The following MTHFD1L variants were observed in gnomAD, a reference collection of about 807,000 sequenced individuals.
The protein encoded by MTHFD1L is methylenetetrahydrofolate dehydrogenase (NADP+ dependent) 1 like, also known as monofunctional C1-tetrahydrofolate synthase, mitochondrial.
In MTHFD1L, 81 loss-of-function variants were observed where a neutral mutation model predicts 119.5. The observed-to-expected ratio is 0.68, with a 90% CI of 0.57 to 0.82. The LOEUF is 0.82. Among genes scored for constraint, MTHFD1L ranks in the 40% least tolerant of loss-of-function variants. MTHFD1L has a pLI of 0.00. For missense variants in MTHFD1L, 1,125 were observed against 1,253.4 expected, an observed-to-expected ratio of 0.90 and a Z score of 1.55; for synonymous variants, 430 against 475.2, an observed-to-expected ratio of 0.90 and a Z score of 1.24.
At chr6:150,997,374 A>G (rs897087866) in intron 20 of MTHFD1L, among the ~76,000 whole-genome samples, 1 of 148,418 alleles carries the variant, frequency 6.7e-6, no homozygotes, top group Non-Finnish European at 1.5e-5. Flanking sequence ...ATTTGTTTTC[A>G]TGCTACATTT....
intron 19 of MTHFD1L, among the ~76,000 whole-genome samples, chr6:150,969,945 A>G (rs1294730607): frequency 6.6e-6 from 1 of 152,238 alleles, no homozygotes; most frequent in African/African-American, 2.4e-5. Flanking sequence ...AAATATTTGC[A>G]GACGTGAACT....
intron 16 of MTHFD1L, among the ~76,000 whole-genome samples, chr6:150,952,110 T>A (rs1164688503): frequency 6.6e-6 from 1 of 152,204 alleles, no homozygotes; most frequent in African/African-American, 2.4e-5. Flanking sequence ...TGTTTTGTGG[T>A]TGTGAATCAC....
At chr6:151,044,743 C>G (rs1006680609) in intron 26 of MTHFD1L, among the ~76,000 whole-genome samples, 1 of 152,152 alleles carries the variant, frequency 6.6e-6, no homozygotes, top group African/African-American at 2.4e-5. Context: ...GTGACCCGGC[C>G]CTGCCACATC....
intron 27 of MTHFD1L, among the ~76,000 whole-genome samples, chr6:151,101,268 A>G (rs1224884966): frequency 6.6e-6 from 1 of 152,192 alleles, no homozygotes; most frequent in Admixed American, 6.5e-5. Context: ...AGTATCCCCA[A>G]GTAAATCTCT....
At chr6:150,942,932 A>G (rs115026404) in intron 13 of MTHFD1L, among the ~76,000 whole-genome samples, 1 of 152,330 alleles carries the variant, frequency 6.6e-6, no homozygotes, top group African/African-American at 2.4e-5. Context: ...CTGATCTACT[A>G]CTAGTGTTTT....
intron 7 of MTHFD1L, among the ~76,000 whole-genome samples, chr6:150,893,574 C>G (rs962199094): frequency 6.6e-6 from 1 of 152,186 alleles, no homozygotes; most frequent in African/African-American, 2.4e-5. Flanking sequence ...GAACAAGACC[C>G]CCCCATCCCC....
intron 20 of MTHFD1L, among the ~76,000 whole-genome samples, chr6:150,994,707 G>A (rs542446250): frequency 6.6e-6 from 1 of 152,316 alleles, no homozygotes; most frequent in South Asian, 2.1e-4. Context: ...TAAGAGTGTA[G>A]TTTTATAAAT....
At chr6:150,919,625 G>T (rs1245948015) in intron 9 of MTHFD1L, among the ~76,000 whole-genome samples, 1 of 152,190 alleles carries the variant, frequency 6.6e-6, no homozygotes, top group African/African-American at 2.4e-5. Flanking sequence ...TGAAGGGAAA[G>T]CAGGCATCTC....
At chr6:150,952,820 G>A (rs1040031848) in intron 16 of MTHFD1L, among the ~76,000 whole-genome samples, 12 of 152,152 alleles carry the variant, frequency 7.9e-5, no homozygotes, top group Admixed American at 4.6e-4. Flanking sequence ...GAGCCACCGC[G>A]TCCAGCAGAT....
At chr6:150,871,580 G>T (rs187228144) in intron 1 of MTHFD1L, among the ~76,000 whole-genome samples, 46 of 145,348 alleles carry the variant, frequency 3.2e-4, no homozygotes, top group African/African-American at 1.1e-3. Context: ...CGGCTCGCTG[G>T]AACCTCCGCC....
intron 19 of MTHFD1L, among the ~76,000 whole-genome samples, chr6:150,971,072 G>A (rs753265280): frequency 2.0e-5 from 3 of 152,206 alleles, no homozygotes; most frequent in Admixed American, 6.5e-5. Context: ...AAAGTAAAGA[G>A]TAGAATAGTG....
chr6:151,076,113 G>A (rs777650036), intron 26 of MTHFD1L, among the ~76,000 whole-genome samples: 4 of 152,214 alleles, frequency 2.6e-5, no homozygotes, highest in Non-Finnish European at 4.4e-5. Context: ...GCTCATGCCT[G>A]TAATCCCAAC....
At position 151,013,778 on chromosome 6, in the gene MTHFD1L, G is replaced by C; in HGVS notation, c.2266-1G>C. ...CTTCATGTTTTCTCTCCTTATTTCA[G>C]GTAACGGCTGGTGTTCCTCTTAAGA... is the stretch of plus-strand genomic sequence containing the variant. On this transcript the variant is annotated splice_acceptor_variant, in intron 21 of 27. Coordinates refer to ENST00000367321, the MANE Select transcript of MTHFD1L (RefSeq NM_015440.5). LOFTEE classifies it high-confidence loss of function. 1 of 1,611,678 alleles carries C rather than the reference G, an allele frequency of 6.2e-7. No homozygotes were observed. The highest frequency in any genetic ancestry group is 8.5e-7 in the Non-Finnish European group (1 of 1,178,294).
At chr6:151,010,675 T>G (rs1782087617) in intron 21 of MTHFD1L, among the ~76,000 whole-genome samples, 2 of 152,148 alleles carry the variant, frequency 1.3e-5, no homozygotes, top group African/African-American at 2.4e-5. Flanking sequence ...GGGGTTTTTT[T>G]GTTGTTGTTT....
chr6:151,091,110 T>TGC (rs1482186760), intron 26 of MTHFD1L, among the ~76,000 whole-genome samples: 7 of 146,694 alleles, frequency 4.8e-5, no homozygotes, highest in African/African-American at 1.1e-4. Flanking sequence ...TGCGACTGGG[T>TGC]ACAGCATCGT....
intron 19 of MTHFD1L, among the ~76,000 whole-genome samples, chr6:150,967,941 G>A (rs1797466332): frequency 6.6e-6 from 1 of 151,958 alleles, no homozygotes; most frequent in African/African-American, 2.4e-5. Flanking sequence ...GGTCTGAAAA[G>A]CCCTAGGGAT....
At chr6:151,016,171 T>A (rs1783022626) in intron 24 of MTHFD1L, among the ~76,000 whole-genome samples, 1 of 152,136 alleles carries the variant, frequency 6.6e-6, no homozygotes, top group African/African-American at 2.4e-5. Flanking sequence ...TAGCTCCTTG[T>A]CCCAAAGCCT....
At chr6:150,866,287 G>C (rs977305382) in intron 1 of MTHFD1L, 4 of 1,471,354 alleles carry the variant, frequency 2.7e-6, no homozygotes, top group African/African-American at 1.5e-5. Context: ...GTGGGCGTGG[G>C]CATCTCCAAT....
At chr6:150,947,764 A>G (rs917189968) in intron 15 of MTHFD1L, among the ~76,000 whole-genome samples, 1 of 152,174 alleles carries the variant, frequency 6.6e-6, no homozygotes, top group African/African-American at 2.4e-5. Context: ...AGCAGCGTAC[A>G]TGGTGGCCAC....
Sources: gnomAD v4.1 joint callset for allele counts (sites outside exome capture counted in the v4.1 genomes callset) on GRCh38, gnomAD v4.1.1 for gene constraint, MANE v1.5 for transcripts, NCBI Gene and HGNC (gene_info 2026-07-23, HGNC 2026-07-21) for gene names.